ANGPT1: variants seen among roughly 807,000 people sequenced by gnomAD.
ANGPT1 encodes angiopoietin 1.
Under a neutral mutation model 62.2 loss-of-function variants are expected in ANGPT1, and 17 were observed. The ratio of observed to expected loss-of-function variants is 0.27; its 90% CI spans 0.19 to 0.41. The LOEUF (loss-of-function observed/expected upper bound fraction) is 0.41, where lower values mean the gene tolerates loss of function less well. Ranked by LOEUF, ANGPT1 falls within the 10% of genes least tolerant of loss-of-function variation. ANGPT1 has a pLI of 1.00. For synonymous variants in ANGPT1, 199 were observed against 198.9 expected (o/e 1.00, Z 0.00); for missense variants, 478 against 594.9 (o/e 0.80, Z 2.04).
At chr8:107,362,626 G>T (rs960695406) in intron 1 of ANGPT1, among the ~76,000 whole-genome samples, 2 of 152,110 alleles carry the variant, frequency 1.3e-5, no homozygotes, top group African/African-American at 4.8e-5. Context: ...GGATCTCATT[G>T]AGGCCTTTTG....
chr8:107,402,325 G>A lies in ANGPT1; in HGVS notation c.298-55228C>T, dbSNP rs940279801. 3.9e-5 allele frequency among the ~76,000 whole-genome samples: 6 copies of A among 152,252 alleles called. No individual in the cohort carries two copies. In the South Asian group the frequency reaches 1.0e-3, roughly 26 times the overall value. On this transcript the variant is annotated intron_variant, in intron 1 of 8. Transcript: ENST00000517746. ...GCCCAATTTGTGGTTGCAGCAAAAA[G>A]ATAAATAACAGATGCAAAGGCAAAC...
At chr8:107,283,007 GCACA>G (rs143778406) in intron 7 of ANGPT1, among the ~76,000 whole-genome samples, 3 of 150,468 alleles carry the variant, frequency 2.0e-5, no homozygotes, top group East Asian at 2.0e-4. Flanking sequence ...GCATGTGTAT[GCACA>G]CACACACACA....
intron 8 of ANGPT1, among the ~76,000 whole-genome samples, chr8:107,254,985 A>G (rs1813325665): frequency 1.3e-5 from 2 of 152,002 alleles, no homozygotes; most frequent in African/African-American, 2.4e-5. Context: ...GACAGCTTAA[A>G]AAAAAAAAGG....
At chr8:107,482,147 C>A (rs747999797) in intron 1 of ANGPT1, among the ~76,000 whole-genome samples, 19 of 152,094 alleles carry the variant, frequency 1.2e-4, no homozygotes, top group African/African-American at 4.6e-4. Context: ...TCATTTTTAT[C>A]TTTCAATTAT....
rs977289583 is a variant in ANGPT1, at chr8:107,249,823, C to T, written c.*2032G>A. On this transcript the variant is annotated 3_prime_UTR_variant, in exon 9 of 9. Transcript: ENST00000517746. ...TGAGTTTGGAAATAGTATTCTTTAT[C>T]CAAAAACTGGTTTAAGAAAGTGTCT... The T allele has an allele frequency of 7.3e-5, 11 of 151,522 alleles. No individual in the cohort carries two copies. Among genetic ancestry groups the T allele is most frequent in the Non-Finnish European group, 1.5e-4 (10 of 67,756 alleles). The allele number at this position is 151,522 out of a possible 1,614,324, so 9.4% of individuals were successfully genotyped here. A position where few individuals can be genotyped will look rare whatever the true frequency, so the allele number is the denominator to read the frequency against.
chr8:107,400,389 C>T (rs1236911971), intron 1 of ANGPT1, among the ~76,000 whole-genome samples: 1 of 152,108 alleles, frequency 6.6e-6, no homozygotes, highest in East Asian at 1.9e-4. Context: ...ATAGTAGGTC[C>T]TGTATAAACA....
chr8:107,287,622 G>A lies in ANGPT1; in HGVS notation c.1039-2774C>T, dbSNP rs976491460. 3.9e-5 allele frequency among the ~76,000 whole-genome samples: 6 copies of A among 152,116 alleles called. 1 individual carries two copies. The highest frequency in any genetic ancestry group is 8.8e-5 in the Non-Finnish European group (6 of 68,020). ...AGATGAAAAATACGTGAAAGAAGGGGAATTGTGTTCCCACATTAGTAAACT... is the reference window on the plus strand; with the variant it reads ...AGATGAAAAATACGTGAAAGAAGGGAAATTGTGTTCCCACATTAGTAAACT... On this transcript the variant is annotated intron_variant, in intron 6 of 8. Transcript: ENST00000517746.
chr8:107,278,830 CTT>C (rs1028696965), intron 7 of ANGPT1, among the ~76,000 whole-genome samples: 3 of 152,214 alleles, frequency 2.0e-5, no homozygotes, highest in Non-Finnish European at 2.9e-5. Context: ...TAGATCTTCC[CTT>C]TTGTGGTTCC....
At chr8:107,431,967 C>A (rs781638940) in intron 1 of ANGPT1, among the ~76,000 whole-genome samples, 1 of 152,096 alleles carries the variant, frequency 6.6e-6, no homozygotes, top group Non-Finnish European at 1.5e-5. Context: ...GTATTTGATA[C>A]ATATTTCAGC....
At chr8:107,270,266 T>C (rs904915802) in intron 7 of ANGPT1, among the ~76,000 whole-genome samples, 2 of 152,048 alleles carry the variant, frequency 1.3e-5, no homozygotes, top group African/African-American at 2.4e-5. Context: ...GTATGACAAA[T>C]TGAAGTTTGG....
chr8:107,497,230 C>A, intron 1 of ANGPT1, 32 bp downstream of exon 1: 1 of 1,601,450 alleles, frequency 6.2e-7, no homozygotes, highest in Non-Finnish European at 8.5e-7. Flanking sequence ...GAAAAAGGTC[C>A]GTGCTATTAG....
intron 1 of ANGPT1, among the ~76,000 whole-genome samples, chr8:107,493,527 A>G (rs957416038): frequency 6.6e-6 from 1 of 150,666 alleles, no homozygotes; most frequent in African/African-American, 2.4e-5. Context: ...TTTAACTAGT[A>G]TTAGGACAAA....
intron 1 of ANGPT1, among the ~76,000 whole-genome samples, chr8:107,408,040 G>A (rs1234179170): frequency 6.6e-6 from 1 of 151,910 alleles, no homozygotes; most frequent in East Asian, 1.9e-4. Flanking sequence ...ACTCAGCACT[G>A]AAAATAAGAG....
At chr8:107,411,568 T>C (rs1196330062) in intron 1 of ANGPT1, among the ~76,000 whole-genome samples, 8 of 152,188 alleles carry the variant, frequency 5.3e-5, no homozygotes, top group Non-Finnish European at 1.0e-4. Flanking sequence ...ATTATAGTTA[T>C]TCAGATTGGA....
intron 1 of ANGPT1, among the ~76,000 whole-genome samples, chr8:107,428,282 T>C (rs13439018): frequency 0.39 from 60,027 of 152,000 alleles, 12,117 homozygotes; most frequent in Middle Eastern, 0.5. Context: ...TTCGTGTGGG[T>C]ATAATGTCTC....
chr8:107,442,268 A>C (rs1359518180), intron 1 of ANGPT1, among the ~76,000 whole-genome samples: 1 of 152,226 alleles, frequency 6.6e-6, no homozygotes, highest in African/African-American at 2.4e-5. Context: ...TATCTGTGGC[A>C]ATGTAAATGA....
intron 1 of ANGPT1, among the ~76,000 whole-genome samples, chr8:107,348,044 G>A (rs1297807834): frequency 6.6e-6 from 1 of 152,162 alleles, no homozygotes; most frequent in Non-Finnish European, 1.5e-5. Flanking sequence ...ACTGTGTGGT[G>A]ACTACATTTT....
chr8:107,336,326 T>C lies in ANGPT1; in HGVS notation c.454-55A>G, dbSNP rs1815559977. Reference sequence around the variant, plus strand: ...CTTCAGTCACGAATCAAAGAACTTTTTTAAGTTTTATTTTGTCGTTAAATA... The same window carrying C: ...CTTCAGTCACGAATCAAAGAACTTTCTTAAGTTTTATTTTGTCGTTAAATA... On this transcript the variant is annotated intron_variant, in intron 2 of 8. Coordinates refer to ENST00000517746, the MANE Select transcript of ANGPT1 (RefSeq NM_001146.5). The C allele has an allele frequency of 1.9e-6, 3 of 1,541,318 alleles. No homozygotes were observed. The South Asian group carries it at 3.8e-5, about 19-fold the overall frequency.
chr8:107,411,868 CT>C lies in ANGPT1; in HGVS notation c.298-64772del, dbSNP rs200712367. On this transcript the variant is annotated intron_variant, in intron 1 of 8. Coordinates refer to ENST00000517746, the MANE Select transcript of ANGPT1 (RefSeq NM_001146.5). ...TTCTTCTATAATCTGCAGTGTTGAGCTTTATCCTAAAGCTAGTTTTTCTGTG... is the reference window on the plus strand; with the variant it reads ...TTCTTCTATAATCTGCAGTGTTGAGCTTATCCTAAAGCTAGTTTTTCTGTG... Among the ~76,000 whole-genome samples, 1,487 of 152,226 alleles carry C rather than the reference CT, an allele frequency of 9.8e-3. 31 individuals are homozygous for C. Among genetic ancestry groups the C allele is most frequent in the African/African-American group, 0.033 (1,381 of 41,548 alleles).
Sources: gnomAD v4.1 joint callset for allele counts (sites outside exome capture counted in the v4.1 genomes callset) on GRCh38, gnomAD v4.1.1 for gene constraint, MANE v1.5 for transcripts, NCBI Gene and HGNC (gene_info 2026-07-23, HGNC 2026-07-21) for gene names.